DTNB: variants seen among roughly 807,000 people sequenced by gnomAD.
DTNB encodes DTN-B.
In DTNB, 63 loss-of-function variants were observed where a neutral mutation model predicts 90.7. The observed-to-expected ratio is 0.69, with a 90% CI of 0.57 to 0.86. DTNB has a LOEUF of 0.86. Ranked by LOEUF, DTNB falls within the 40% of genes least tolerant of loss-of-function variation. The pLI, the probability that DTNB is intolerant of heterozygous loss-of-function variation, is 0.00. For synonymous variants in DTNB, 277 were observed against 286.7 expected (o/e 0.97, Z 0.34); for missense variants, 744 against 807.1 (o/e 0.92, Z 0.95).
At position 25,526,395 on chromosome 2, in the gene DTNB, A is replaced by ATATATATATATATATTT; in HGVS notation, c.1001+5077_1001+5078insAAATATATATATATATA. ...TATATATATATATATATATATATATATTTTTTTTTTTTTAATTGAGACAGA... is the reference window on the plus strand; with the variant it reads ...TATATATATATATATATATATATATATATATATATATATATTTTTTTTTTTTTTTTAATTGAGACAGA... On this transcript the variant is annotated intron_variant, in intron 9 of 20. Coordinates refer to ENST00000406818, the MANE Select transcript of DTNB (RefSeq NM_021907.5). 1.6e-4 allele frequency among the ~76,000 whole-genome samples: 8 copies of ATATATATATATATATTT among 49,826 alleles called. No homozygotes were observed. The East Asian group carries it at 3.8e-3, about 24-fold the overall frequency. The allele number at this position is 49,826 out of a possible 152,430, so 32.7% of individuals were successfully genotyped here.
chr2:25,428,356 A>G (rs1240527327), intron 14 of DTNB, among the ~76,000 whole-genome samples: 3 of 151,704 alleles, frequency 2.0e-5, no homozygotes, highest in Non-Finnish European at 4.4e-5. Context: ...CTATCTTTCT[A>G]TTCCCATTTC....
chr2:25,506,891 G>A (rs565548969), intron 9 of DTNB, among the ~76,000 whole-genome samples: 1 of 152,050 alleles, frequency 6.6e-6, no homozygotes, highest in African/African-American at 2.4e-5. Flanking sequence ...TTATCATACA[G>A]AATATCATCT....
chr2:25,544,131 G>A (rs1003975758), intron 8 of DTNB, among the ~76,000 whole-genome samples: 3 of 152,194 alleles, frequency 2.0e-5, no homozygotes, highest in Admixed American at 6.5e-5. Flanking sequence ...GGGATGTGGA[G>A]TACCACCCTC....
intron 4 of DTNB, among the ~76,000 whole-genome samples, chr2:25,611,566 G>C (rs1463121494): frequency 6.6e-6 from 1 of 152,210 alleles, no homozygotes; most frequent in African/African-American, 2.4e-5. Context: ...TGCAGATACA[G>C]AGGGCCAAGG....
At chr2:25,426,524 C>A (rs1311908187) in intron 15 of DTNB, 3 of 152,204 alleles carry the variant, frequency 2.0e-5, no homozygotes, top group African/African-American at 7.2e-5. Flanking sequence ...GTTCTTGGGC[C>A]TTTGGACTCT....
chr2:25,630,234 A>T (rs1264599901), intron 3 of DTNB, among the ~76,000 whole-genome samples: 1 of 152,228 alleles, frequency 6.6e-6, no homozygotes, highest in African/African-American at 2.4e-5. Context: ...TTTAAATGGA[A>T]AACAAGGGTC....
chr2:25,387,236 G>T lies in DTNB; in HGVS notation c.1825+53C>A. 6.4e-7 allele frequency: 1 copy of T among 1,564,700 alleles called. No homozygotes were observed. Among genetic ancestry groups the T allele is most frequent in the South Asian group, 1.1e-5 (1 of 87,972 alleles). On this transcript the variant is annotated intron_variant, in intron 18 of 20. Coordinates refer to ENST00000406818, the MANE Select transcript of DTNB (RefSeq NM_021907.5). This position sits in a 1 kb window ranked among gnomAD's most constrained non-coding sequence, Gnocchi z 4.5. ...CGGTGCTGGCAAGGAAGTGAGAAGG[G>T]CGCGGGCAAGGCAGGGGAGGCCAGG...
At chr2:25,438,416 T>C (rs2056536094) in intron 12 of DTNB, among the ~76,000 whole-genome samples, 1 of 152,116 alleles carries the variant, frequency 6.6e-6, no homozygotes. Flanking sequence ...CCACAGGCCA[T>C]GGGTTGGACA....
At chr2:25,494,209 G>C (rs574905196) in intron 9 of DTNB, among the ~76,000 whole-genome samples, 1 of 152,074 alleles carries the variant, frequency 6.6e-6, no homozygotes, top group African/African-American at 2.4e-5. Flanking sequence ...TGCAAATAAA[G>C]AAATAAAAGT....
intron 2 of DTNB, among the ~76,000 whole-genome samples, chr2:25,644,233 G>A (rs1402784766): frequency 6.6e-6 from 1 of 152,158 alleles, no homozygotes; most frequent in African/African-American, 2.4e-5. Flanking sequence ...GACGCACTGA[G>A]AATTCTTTCT....
rs570368908 is a variant in DTNB at position 25,393,589 on chromosome 2, C to T, written c.1576-5228G>A. ...CAGTAGCTCTGCTATATATCAACAG[C>T]GACCAAGCTGAGAATCAAATCAAGA... is the stretch of plus-strand genomic sequence containing the variant. On this transcript the variant is annotated intron_variant, in intron 16 of 20. Coordinates refer to ENST00000406818, the MANE Select transcript of DTNB (RefSeq NM_021907.5). 3.2e-4 allele frequency among the ~76,000 whole-genome samples: 49 copies of T among 152,076 alleles called. No individual in the cohort carries two copies. In the South Asian group the frequency reaches 0.01, roughly 32 times the overall value.
intron 4 of DTNB, among the ~76,000 whole-genome samples, chr2:25,616,953 G>A (rs13409423): frequency 0.13 from 7,494 of 57,540 alleles, 1,309 homozygotes; most frequent in South Asian, 0.17. Context: ...AAAAAAAAAA[G>A]GAAAAAAAAG....
chr2:25,379,053 C>A (rs947958647), intron 20 of DTNB, among the ~76,000 whole-genome samples: 1 of 152,194 alleles, frequency 6.6e-6, no homozygotes, highest in African/African-American at 2.4e-5. Context: ...GGACACCAGG[C>A]CATGCCCAAG....
chr2:25,472,448 C>T (rs780630319), intron 10 of DTNB, among the ~76,000 whole-genome samples: 8 of 152,078 alleles, frequency 5.3e-5, no homozygotes, highest in Non-Finnish European at 1.0e-4. Context: ...GAGAGTGGGA[C>T]GAGGTAGGGC....
At chr2:25,507,254 C>T in intron 9 of DTNB, among the ~76,000 whole-genome samples, 1 of 152,126 alleles carries the variant, frequency 6.6e-6, no homozygotes, top group East Asian at 1.9e-4. Flanking sequence ...TACTTTAGTA[C>T]TTTTTCATTT....
chr2:25,408,259 A>G (rs1230239085), intron 16 of DTNB, among the ~76,000 whole-genome samples: 2 of 152,014 alleles, frequency 1.3e-5, no homozygotes, highest in African/African-American at 4.8e-5. Context: ...CGGTGAGCCG[A>G]GATCGTGCCA....
chr2:25,419,366 C>T (rs1409592239), intron 16 of DTNB, 149 bp downstream of exon 16: 6 of 1,270,706 alleles, frequency 4.7e-6, no homozygotes, highest in South Asian at 1.3e-5. Context: ...GGCCATTTTA[C>T]AACACCATGG....
chr2:25,628,329 A>T lies in DTNB; in HGVS notation c.204T>A (p.Asn68Lys), dbSNP rs1219489640. The part of the protein sequence containing the change: ...MIEAFRDNGL[N>K]TLDHTTEISV... ...TGATCTCGGTGGTATGGTCCAGTGT[A>T]TTAAGGCCATTGTCTCGGAAGGCTT... Residue 68 changes from asparagine (N) to lysine (K), a missense_variant, in exon 4 of 21, where the codon AAT becomes AAA. Physicochemically the swap from Asn to Lys is moderately conservative, Grantham distance 94 (BLOSUM62 0). Transcript: ENST00000406818. The T allele has an allele frequency of 6.2e-7, 1 of 1,613,824 alleles. No individual in the cohort carries two copies. Among genetic ancestry groups the T allele is most frequent in the South Asian group, 1.1e-5 (1 of 91,034 alleles).
chr2:25,422,994 A>AC (rs1444700129), intron 15 of DTNB, among the ~76,000 whole-genome samples: 1 of 152,152 alleles, frequency 6.6e-6, no homozygotes, highest in Non-Finnish European at 1.5e-5. Flanking sequence ...GGAGTTCGAG[A>AC]CCAGCCTGGC....
Sources: allele counts gnomAD v4.1 joint callset (sites outside exome capture counted in the v4.1 genomes callset), GRCh38; gene constraint gnomAD v4.1.1; non-coding constraint Gnocchi (gnomAD v3.1); transcripts MANE v1.5; gene names NCBI Gene and HGNC (gene_info 2026-07-23, HGNC 2026-07-21).